The following MCCC1 variants were observed in gnomAD, a reference collection of about 807,000 sequenced individuals.
The protein encoded by MCCC1 is methylcrotonyl-CoA carboxylase subunit 1.
MCCC1 carries 64 observed loss-of-function variants against 83.8 expected under a neutral mutation model. The observed-to-expected ratio is 0.76, with a 90% CI of 0.62 to 0.94. The LOEUF (loss-of-function observed/expected upper bound fraction) is 0.94. Ranked by LOEUF, MCCC1 falls within the 40% of genes least tolerant of loss-of-function variation. MCCC1 has a pLI of 0.00. For missense variants in MCCC1, 807 were observed against 904.7 expected, an observed-to-expected ratio of 0.89 and a Z score of 1.39; for synonymous variants, 322 against 315.4, an observed-to-expected ratio of 1.02 and a Z score of -0.22.
At chr3:183,096,490 C>T (rs1199582559) in intron 1 of MCCC1, among the ~76,000 whole-genome samples, 1 of 152,128 alleles carries the variant, frequency 6.6e-6, no homozygotes, top group Non-Finnish European at 1.5e-5. Context: ...AAGATAAAAG[C>T]ACAGCGTGTG....
At chr3:183,088,511 T>C (rs1194763377) in intron 3 of MCCC1, among the ~76,000 whole-genome samples, 1 of 152,164 alleles carries the variant, frequency 6.6e-6, no homozygotes, top group East Asian at 1.9e-4. Flanking sequence ...CCAGCCTGTT[T>C]TTTACTTTTA....
At chr3:183,022,008 C>A (rs1386970665) in intron 16 of MCCC1, among the ~76,000 whole-genome samples, 1 of 152,106 alleles carries the variant, frequency 6.6e-6, no homozygotes, top group Non-Finnish European at 1.5e-5. Flanking sequence ...AACTGGTCCA[C>A]AGACTCCTCT....
chr3:183,052,681 G>GCGCC (rs1209826988), intron 8 of MCCC1, among the ~76,000 whole-genome samples: 3 of 151,876 alleles, frequency 2.0e-5, no homozygotes, highest in Non-Finnish European at 4.4e-5. Context: ...ATGGTGGCGG[G>GCGCC]CGCCTGTAGT....
chr3:183,055,875 A>T (rs981374968), intron 8 of MCCC1, among the ~76,000 whole-genome samples: 2 of 152,106 alleles, frequency 1.3e-5, no homozygotes, highest in Non-Finnish European at 2.9e-5. Flanking sequence ...TCCAGCCTGG[A>T]TGACAAAGCG....
intron 18 of MCCC1, among the ~76,000 whole-genome samples, chr3:183,015,951 C>T (rs373558897): frequency 1.3e-3 from 198 of 149,340 alleles, no homozygotes; most frequent in African/African-American, 4.5e-3. Flanking sequence ...GCTGTTGAGA[C>T]GGAGTCTCAC....
Position 183,054,189 on chromosome 3 carries a change from T to A in MCCC1, c.874-1949A>T, listed in dbSNP as rs77713867. ...GAGCCACCATACCCAGCCAAGAAAATTTTTTTTTTTTTTTTGAGAGGAGTC... is the reference window on the plus strand; with the variant it reads ...GAGCCACCATACCCAGCCAAGAAAAATTTTTTTTTTTTTTTGAGAGGAGTC... On this transcript the variant is annotated intron_variant, in intron 8 of 18. Transcript: ENST00000265594. Among the ~76,000 whole-genome samples the A allele has an allele frequency of 1.5e-3, 126 of 86,886 alleles. 1 individual carries two copies. In the East Asian group the frequency reaches 0.047, roughly 33 times the overall value. The allele number at this position is 86,886 out of a possible 152,430, so 57.0% of individuals were successfully genotyped here. A position where few individuals can be genotyped will look rare whatever the true frequency, so the allele number is the denominator to read the frequency against.
chr3:183,103,845 G>A (rs539494577), upstream of MCCC1, among the ~76,000 whole-genome samples: 1 of 152,216 alleles, frequency 6.6e-6, no homozygotes, highest in Non-Finnish European at 1.5e-5. Context: ...CCACGGAGCG[G>A]GGGGAGGCTC....
chr3:183,071,148 C>T, intron 6 of MCCC1, 28 bp from the exon 7 acceptor site: 1 of 1,614,170 alleles, frequency 6.2e-7, no homozygotes, highest in Non-Finnish European at 8.5e-7. Context: ...ATTATGACTA[C>T]AACATAAATA....
At chr3:183,099,112 C>T (rs931711290) in intron 1 of MCCC1, 2 of 594,944 alleles carry the variant, frequency 3.4e-6, no homozygotes, top group African/African-American at 3.7e-5. Flanking sequence ...AATGGAAAAA[C>T]AGAAGCCAAA....
intron 12 of MCCC1, among the ~76,000 whole-genome samples, chr3:183,038,415 G>C (rs771075894): frequency 7.9e-5 from 12 of 152,062 alleles, no homozygotes; most frequent in South Asian, 6.2e-4. Flanking sequence ...CGGTGAGGCG[G>C]CCAGTGTGGT....
chr3:183,042,322 C>T (rs1714156975), intron 10 of MCCC1, among the ~76,000 whole-genome samples: 2 of 152,184 alleles, frequency 1.3e-5, no homozygotes, highest in Non-Finnish European at 2.9e-5. Context: ...AGGGTGATCA[C>T]TATTGTTTGT....
chr3:183,045,580 A>G, intron 9 of MCCC1, 40 bp from the exon 10 acceptor site: 1 of 1,610,260 alleles, frequency 6.2e-7, no homozygotes, highest in Non-Finnish European at 8.5e-7. Context: ...AATAGTGTAT[A>G]ATCAGTAGCA....
intron 4 of MCCC1, among the ~76,000 whole-genome samples, chr3:183,081,527 T>C (rs576529516): frequency 1.3e-5 from 2 of 152,250 alleles, no homozygotes; most frequent in South Asian, 4.1e-4. Flanking sequence ...CAAGCAAAAA[T>C]GAGAAGTGTC....
intron 4 of MCCC1, among the ~76,000 whole-genome samples, chr3:183,085,103 GA>G: frequency 6.6e-6 from 1 of 152,126 alleles, no homozygotes; most frequent in East Asian, 1.9e-4. Flanking sequence ...AATGCGGAAT[GA>G]TCAATGTGCT....
At chr3:183,106,532 T>A (rs1378067575) in intron 1 of MCCC1, among the ~76,000 whole-genome samples, 1 of 151,942 alleles carries the variant, frequency 6.6e-6, no homozygotes, top group Non-Finnish European at 1.5e-5. Context: ...AGAGTCTCGC[T>A]CTGTCGCCCA....
intron 16 of MCCC1, among the ~76,000 whole-genome samples, chr3:183,021,031 A>G (rs573481734): frequency 1.1e-4 from 17 of 152,240 alleles, no homozygotes; most frequent in Middle Eastern, 6.8e-3. Context: ...CTGCACTCCA[A>G]CCTGGACAAC....
chr3:183,028,285 C>G (rs1398418869), intron 14 of MCCC1, among the ~76,000 whole-genome samples: 1 of 152,176 alleles, frequency 6.6e-6, no homozygotes, highest in African/African-American at 2.4e-5. Context: ...CAATAGTGCT[C>G]AGATAAAAAG....
chr3:183,092,133 T>C (rs1219136068), intron 3 of MCCC1, among the ~76,000 whole-genome samples: 7 of 152,164 alleles, frequency 4.6e-5, no homozygotes, highest in Non-Finnish European at 8.8e-5. Flanking sequence ...ACTCAAAGTG[T>C]AGTCAGTGGA....
chr3:183,077,772 A>T (rs920075667), intron 4 of MCCC1, among the ~76,000 whole-genome samples: 6 of 151,836 alleles, frequency 4.0e-5, no homozygotes, highest in Admixed American at 1.3e-4. Context: ...TTGTAAGTTA[A>T]TTTTTTTTGT....
Sources: gnomAD v4.1 joint callset for allele counts (sites outside exome capture counted in the v4.1 genomes callset) on GRCh38, gnomAD v4.1.1 for gene constraint, MANE v1.5 for transcripts, NCBI Gene and HGNC (gene_info 2026-07-23, HGNC 2026-07-21) for gene names.